The following ENPP6 variants were observed in gnomAD, a reference collection of about 807,000 sequenced individuals.
ENPP6 encodes ectonucleotide pyrophosphatase/phosphodiesterase 6, also known as glycerophosphocholine cholinephosphodiesterase ENPP6.
A neutral mutation model predicts 42.0 loss-of-function variants in ENPP6; 32 were observed. That is an observed-to-expected ratio of 0.76 (90% CI 0.58 to 1.02). The LOEUF (loss-of-function observed/expected upper bound fraction) is 1.02. ENPP6 is among the 50% of genes least tolerant of loss of function. The pLI is 0.00. For missense variants in ENPP6, 552 were observed against 566.8 expected (o/e 0.97, Z 0.27); for synonymous variants, 213 against 216.0 (o/e 0.99, Z 0.12).
intron 6 of ENPP6, among the ~76,000 whole-genome samples, chr4:184,109,253 A>C (rs1014494082): frequency 6.6e-6 from 1 of 152,118 alleles, no homozygotes; most frequent in Non-Finnish European, 1.5e-5. Context: ...CAAAACAAAC[A>C]AACAAAAAGA....
intron 1 of ENPP6, among the ~76,000 whole-genome samples, chr4:184,161,537 C>A (rs1188608065): frequency 1.3e-5 from 2 of 152,024 alleles, no homozygotes; most frequent in Non-Finnish European, 2.9e-5. Context: ...GGGTATCTAC[C>A]CAGAGGAAAA....
intron 1 of ENPP6, among the ~76,000 whole-genome samples, chr4:184,206,321 G>C (rs546578175): frequency 4.9e-5 from 6 of 123,190 alleles, no homozygotes; most frequent in African/African-American, 1.2e-4. Flanking sequence ...GCAGTGGCGC[G>C]ATCTCGGCTC....
At chr4:184,128,906 T>G (rs1038144518) in intron 2 of ENPP6, among the ~76,000 whole-genome samples, 5 of 152,168 alleles carry the variant, frequency 3.3e-5, no homozygotes, top group African/African-American at 1.2e-4. Flanking sequence ...TCATGGGTAA[T>G]AAAATTAGGA....
At chr4:184,143,730 G>A (rs1736870185) in intron 2 of ENPP6, among the ~76,000 whole-genome samples, 1 of 152,242 alleles carries the variant, frequency 6.6e-6, no homozygotes, top group Non-Finnish European at 1.5e-5. Context: ...GAGAGGGGGA[G>A]GGAAGAGCAG....
intron 1 of ENPP6, among the ~76,000 whole-genome samples, chr4:184,201,067 C>T (rs964941709): frequency 4.6e-5 from 7 of 152,134 alleles, no homozygotes; most frequent in South Asian, 2.1e-4. Flanking sequence ...TGATGGGAGT[C>T]GGTTCAGACC....
rs139962262 is a variant in ENPP6 at position 184,118,585 on chromosome 4, A to T, written c.534-685T>A. Among the ~76,000 whole-genome samples, 825 of 152,330 alleles carry T rather than the reference A, an allele frequency of 5.4e-3. 3 individuals carry two copies. The highest frequency in any genetic ancestry group is 0.014 in the Middle Eastern group (4 of 294). On this transcript the variant is annotated intron_variant, in intron 3 of 7. Coordinates refer to ENST00000296741, the MANE Select transcript of ENPP6 (RefSeq NM_153343.4). ...TTGTGATGCCTGTGATTCAGGGATT[A>T]TACACATGTCTTTTGTGAAAGGATG...
chr4:184,148,292 T>C (rs1362015967), intron 2 of ENPP6, among the ~76,000 whole-genome samples: 1 of 152,178 alleles, frequency 6.6e-6, no homozygotes, highest in Non-Finnish European at 1.5e-5. Flanking sequence ...TGCCATGATT[T>C]GTGAAGGTTG....
At chr4:184,151,058 C>A (rs748334818) in intron 2 of ENPP6, among the ~76,000 whole-genome samples, 10 of 152,218 alleles carry the variant, frequency 6.6e-5, no homozygotes, top group Non-Finnish European at 1.5e-4. Context: ...GAGCTAAAAG[C>A]CTGGAGCAGT....
At chr4:184,204,873 ATCAT>A (rs1425168856) in intron 1 of ENPP6, among the ~76,000 whole-genome samples, 2 of 152,202 alleles carry the variant, frequency 1.3e-5, no homozygotes, top group Non-Finnish European at 2.9e-5. Flanking sequence ...CATCAAAGTG[ATCAT>A]TCATTTCCCT....
At chr4:184,145,797 A>T (rs4421030) in intron 2 of ENPP6, among the ~76,000 whole-genome samples, 2 of 152,190 alleles carry the variant, frequency 1.3e-5, no homozygotes, top group African/African-American at 4.8e-5. Context: ...TGCAGTTTGA[A>T]AACCTCCGAT....
chr4:184,105,473 TG>T (rs1371945438), intron 6 of ENPP6, among the ~76,000 whole-genome samples: 2 of 152,184 alleles, frequency 1.3e-5, no homozygotes, highest in African/African-American at 2.4e-5. Flanking sequence ...AAGAACTGGA[TG>T]GGACTGTGTG....
intron 6 of ENPP6, among the ~76,000 whole-genome samples, chr4:184,098,991 G>A (rs868360951): frequency 2.3e-4 from 35 of 152,214 alleles, no homozygotes; most frequent in African/African-American, 8.0e-4. Flanking sequence ...AGTGAGCCAA[G>A]CAGTTCGCCA....
intron 1 of ENPP6, among the ~76,000 whole-genome samples, chr4:184,198,680 C>T (rs1038323080): frequency 6.6e-6 from 1 of 152,222 alleles, no homozygotes; most frequent in Non-Finnish European, 1.5e-5. Context: ...ATGTATTTCC[C>T]TAAATCACAA....
At chr4:184,187,358 ACT>A (rs1225351569) in intron 1 of ENPP6, among the ~76,000 whole-genome samples, 2 of 152,028 alleles carry the variant, frequency 1.3e-5, no homozygotes, top group African/African-American at 4.8e-5. Flanking sequence ...CCATTGGTTG[ACT>A]CTGCTCCCTG....
intron 6 of ENPP6, among the ~76,000 whole-genome samples, chr4:184,107,802 C>G (rs1037584175): frequency 9.2e-5 from 14 of 151,912 alleles, no homozygotes; most frequent in Admixed American, 9.2e-4. Context: ...GTTGTCCCAG[C>G]TACTCGGGAG....
At position 184,103,938 on chromosome 4, in the gene ENPP6, C is replaced by T. The variant is rs372168118; in HGVS notation, c.994-6570G>A. ...GGCAGCCAAGTCAGCAGGGATCTGG[C>T]GACGCAGACATTCTCGGAGTGGAGC... is the stretch of plus-strand genomic sequence containing the variant. On this transcript the variant is annotated intron_variant, in intron 6 of 7. Transcript: ENST00000296741. Among the ~76,000 whole-genome samples the T allele has an allele frequency of 3.9e-5, 6 of 152,228 alleles. No homozygotes were observed. In the South Asian group the frequency reaches 1.3e-3, roughly 32 times the overall value.
intron 1 of ENPP6, among the ~76,000 whole-genome samples, chr4:184,206,984 G>A (rs768524474): frequency 2.6e-5 from 4 of 152,212 alleles, no homozygotes; most frequent in Non-Finnish European, 5.9e-5. Context: ...GTGTGAGAAC[G>A]GGACCTCTGA....
At chr4:184,098,793 C>T (rs1209966666) in intron 6 of ENPP6, among the ~76,000 whole-genome samples, 1 of 152,202 alleles carries the variant, frequency 6.6e-6, no homozygotes, top group African/African-American at 2.4e-5. Flanking sequence ...CCTCAGAAGC[C>T]ACTCATTCTT....
chr4:184,134,475 C>T (rs1468677335), intron 2 of ENPP6, among the ~76,000 whole-genome samples: 8 of 151,950 alleles, frequency 5.3e-5, no homozygotes, highest in Admixed American at 5.2e-4. Context: ...TGATGTTTCC[C>T]CTAGCAATCT....
Sources: allele counts gnomAD v4.1 joint callset (sites outside exome capture counted in the v4.1 genomes callset), GRCh38; gene constraint gnomAD v4.1.1; transcripts MANE v1.5; gene names NCBI Gene and HGNC (gene_info 2026-07-23, HGNC 2026-07-21).